CPXM2: variants seen among roughly 807,000 people sequenced by gnomAD.
The protein encoded by CPXM2 is carboxypeptidase X, M14 family member 2.
Under a neutral mutation model 86.1 loss-of-function variants are expected in CPXM2, and 66 were observed. The observed-to-expected ratio is 0.77, with a 90% CI of 0.63 to 0.94. The LOEUF (loss-of-function observed/expected upper bound fraction) is 0.94. Among genes scored for constraint, CPXM2 ranks in the 40% least tolerant of loss-of-function variants. The probability of loss-of-function intolerance (pLI) is 0.00; values close to 1 mark genes in which losing one functional copy is unlikely to be tolerated. For missense variants in CPXM2, 948 were observed against 1,026.3 expected (o/e 0.92, Z 1.04); for synonymous variants, 388 against 400.2 (o/e 0.97, Z 0.36).
At chr10:123,780,341 G>A in intron 6 of CPXM2, 86 bp from the exon 7 acceptor site, 1 of 909,062 alleles carries the variant, frequency 1.1e-6, no homozygotes, top group Non-Finnish European at 1.8e-6. Flanking sequence ...GGACTGCACG[G>A]ACAGTGCAGC....
intron 13 of CPXM2, among the ~76,000 whole-genome samples, chr10:123,749,310 G>C (rs1009906658): frequency 6.6e-6 from 1 of 152,132 alleles, no homozygotes; most frequent in African/African-American, 2.4e-5. Flanking sequence ...TTCTCACCAA[G>C]GGAGGTGTTC....
chr10:123,750,832 C>A, intron 13 of CPXM2: 4 of 985,432 alleles, frequency 4.1e-6, no homozygotes, highest in Non-Finnish European at 4.8e-6. Flanking sequence ...CCTCATTGGC[C>A]TGGCAGGGCA....
intron 12 of CPXM2, 127 bp downstream of exon 12, chr10:123,757,086 A>C: frequency 1.2e-6 from 1 of 826,502 alleles, no homozygotes. Flanking sequence ...GGCTCCTCGC[A>C]GCACTGTGCT....
intron 3 of CPXM2, among the ~76,000 whole-genome samples, chr10:123,847,381 C>T (rs543370219): frequency 6.6e-6 from 1 of 152,166 alleles, no homozygotes; most frequent in East Asian, 1.9e-4. Context: ...AGAACATTTG[C>T]CGAGTGTGGT....
At chr10:123,786,179 ATTG>A (rs1564768371) in intron 6 of CPXM2, among the ~76,000 whole-genome samples, 1 of 152,120 alleles carries the variant, frequency 6.6e-6, no homozygotes, top group Non-Finnish European at 1.5e-5. Flanking sequence ...ACTTCATCCT[ATTG>A]TTCACTGAAC....
chr10:123,860,383 A>G (rs1848824691), intron 3 of CPXM2, among the ~76,000 whole-genome samples: 3 of 152,166 alleles, frequency 2.0e-5, no homozygotes, highest in South Asian at 2.1e-4. Context: ...CATCAAGGCC[A>G]AGGTCTGCAC....
chr10:123,840,083 G>C (rs913428177), intron 4 of CPXM2, among the ~76,000 whole-genome samples: 1 of 152,118 alleles, frequency 6.6e-6, no homozygotes, highest in Non-Finnish European at 1.5e-5. Flanking sequence ...ATAATAACCC[G>C]ACTACTGGGT....
chr10:123,879,374 CT>C (rs1247080526), intron 2 of CPXM2, among the ~76,000 whole-genome samples: 1 of 152,246 alleles, frequency 6.6e-6, no homozygotes, highest in East Asian at 1.9e-4. Flanking sequence ...ATCAGAAAAT[CT>C]TGGGTTCAAA....
chr10:123,849,949 C>T lies in CPXM2; in HGVS notation c.514-7461G>A, dbSNP rs944389954. On this transcript the variant is annotated intron_variant, in intron 3 of 13. Coordinates refer to ENST00000241305, the MANE Select transcript of CPXM2 (RefSeq NM_198148.3). Reference sequence around the variant, plus strand: ...TGCCCCTTCCCAGACATTAACTTCCCGCAGACATAACCACCACTCTGACTT... The same window carrying T: ...TGCCCCTTCCCAGACATTAACTTCCTGCAGACATAACCACCACTCTGACTT... Among the ~76,000 whole-genome samples the T allele has an allele frequency of 4.6e-5, 7 of 152,110 alleles. No homozygotes were observed. In the East Asian group the frequency reaches 5.8e-4, roughly 13 times the overall value.
chr10:123,786,664 T>G (rs1847063569), intron 6 of CPXM2, among the ~76,000 whole-genome samples: 1 of 152,168 alleles, frequency 6.6e-6, no homozygotes, highest in Non-Finnish European at 1.5e-5. Flanking sequence ...CACATCTCAT[T>G]ATACCCCATT....
intron 6 of CPXM2, among the ~76,000 whole-genome samples, chr10:123,782,392 G>C (rs1846955413): frequency 6.6e-6 from 1 of 152,180 alleles, no homozygotes; most frequent in Non-Finnish European, 1.5e-5. Flanking sequence ...TCTCAAAAAG[G>C]ATTGAAGAAA....
At chr10:123,937,490 C>T (rs1462448704) in intron 2 of CPXM2, among the ~76,000 whole-genome samples, 2 of 116,958 alleles carry the variant, frequency 1.7e-5, no homozygotes, top group African/African-American at 8.6e-5. Context: ...CACACACACA[C>T]ACACACACAC....
chr10:123,880,693 G>C (rs967232487), intron 1 of CPXM2, among the ~76,000 whole-genome samples: 3 of 151,748 alleles, frequency 2.0e-5, no homozygotes, highest in Admixed American at 1.3e-4. Flanking sequence ...GCCAGGCATG[G>C]TGGCGGGCAC....
At chr10:123,914,057 G>A (rs1358695712) in intron 2 of CPXM2, 1 of 491,756 alleles carries the variant, frequency 2.0e-6, no homozygotes, top group Admixed American at 2.1e-5. Context: ...GTGTCATTTG[G>A]TGGCTTGACC....
upstream of CPXM2, among the ~76,000 whole-genome samples, chr10:123,943,515 C>T (rs1461761831): frequency 6.6e-6 from 1 of 152,204 alleles, no homozygotes; most frequent in Non-Finnish European, 1.5e-5. Flanking sequence ...GGTAGATCCT[C>T]CAGGGACCAG....
At chr10:123,842,586 G>A (rs906412377) in intron 3 of CPXM2, 98 bp from the exon 4 acceptor site, 5 of 1,243,138 alleles carry the variant, frequency 4.0e-6, no homozygotes, top group Non-Finnish European at 5.6e-6. Flanking sequence ...AGGGAGGATA[G>A]GAGAAGAAAA....
At chr10:123,851,063 C>T (rs565004341) in intron 3 of CPXM2, among the ~76,000 whole-genome samples, 7 of 152,104 alleles carry the variant, frequency 4.6e-5, no homozygotes, top group Non-Finnish European at 7.4e-5. Context: ...TGTCTCATTG[C>T]GGCTTTCATT....
In CPXM2 at chr10:123,885,612, G is replaced by A. The variant is rs1945167995; in HGVS notation, c.305-5303C>T. ...AGCCAGCTGGCTGCCAGCCAGATGT[G>A]GATGCCAGCCCTTCCAGTGGCCATC... is the stretch of plus-strand genomic sequence containing the variant. On this transcript the variant is annotated intron_variant, in intron 1 of 13. Transcript: ENST00000241305. The surrounding 1 kb of genome is among the most constrained non-coding windows in gnomAD (Gnocchi z 4.0). Among the ~76,000 whole-genome samples the A allele has an allele frequency of 6.6e-6, 1 of 152,200 alleles. No individual in the cohort carries two copies. The highest frequency in any genetic ancestry group is 1.5e-5 in the Non-Finnish European group (1 of 68,026).
At chr10:123,859,207 T>C (rs1054588044) in intron 3 of CPXM2, among the ~76,000 whole-genome samples, 1 of 152,240 alleles carries the variant, frequency 6.6e-6, no homozygotes. Context: ...GATCACAAAA[T>C]CCCATTAGCT....
Sources: allele counts gnomAD v4.1 joint callset (sites outside exome capture counted in the v4.1 genomes callset), GRCh38; gene constraint gnomAD v4.1.1; non-coding constraint Gnocchi (gnomAD v3.1); transcripts MANE v1.5; gene names NCBI Gene and HGNC (gene_info 2026-07-23, HGNC 2026-07-21).